SHROOM3: variants seen among roughly 807,000 people sequenced by gnomAD.
The protein encoded by SHROOM3 is shroom family member 3.
In SHROOM3, 47 loss-of-function variants were observed where a neutral mutation model predicts 138.6. That is an observed-to-expected ratio of 0.34 (90% CI 0.27 to 0.43). The LOEUF (loss-of-function observed/expected upper bound fraction) is 0.43, where lower values mean the gene tolerates loss of function less well. Ranked by LOEUF, SHROOM3 falls within the 20% of genes least tolerant of loss-of-function variation. The pLI, the probability that SHROOM3 is intolerant of heterozygous loss-of-function variation, is 1.00. For synonymous variants in SHROOM3, 1,062 were observed against 1,063.3 expected, an observed-to-expected ratio of 1.00 and a Z score of 0.02; for missense variants, 2,491 against 2,596.5, an observed-to-expected ratio of 0.96 and a Z score of 0.88.
chr4:76,583,383 G>A (rs571729375), intron 2 of SHROOM3, among the ~76,000 whole-genome samples: 5 of 152,272 alleles, frequency 3.3e-5, no homozygotes, highest in African/African-American at 1.2e-4. Context: ...TAGGAAGAGC[G>A]ACCATCCAGC....
intron 1 of SHROOM3, among the ~76,000 whole-genome samples, chr4:76,443,629 A>G (rs1174081496): frequency 6.6e-6 from 1 of 152,150 alleles, no homozygotes; most frequent in Non-Finnish European, 1.5e-5. Context: ...GCACTTCTCA[A>G]TGAAACAAAA....
intron 1 of SHROOM3, among the ~76,000 whole-genome samples, chr4:76,480,195 A>G (rs1335488616): frequency 6.6e-6 from 1 of 152,234 alleles, no homozygotes; most frequent in East Asian, 1.9e-4. Context: ...AGACTGGCAA[A>G]TTGGATAAAG....
chr4:76,646,869 C>G (rs1051816181), intron 2 of SHROOM3, among the ~76,000 whole-genome samples: 1 of 152,026 alleles, frequency 6.6e-6, no homozygotes, highest in South Asian at 2.1e-4. Flanking sequence ...GGCAATTTCT[C>G]GAAAAACTGA....
chr4:76,539,464 A>C (rs1733052516), intron 1 of SHROOM3, among the ~76,000 whole-genome samples: 1 of 151,962 alleles, frequency 6.6e-6, no homozygotes, highest in African/African-American at 2.4e-5. Context: ...TTCTAATCTT[A>C]CTCTTTAATA....
intron 2 of SHROOM3, among the ~76,000 whole-genome samples, chr4:76,667,720 G>C (rs1421003453): frequency 2.0e-5 from 3 of 151,868 alleles, no homozygotes; most frequent in African/African-American, 7.3e-5. Flanking sequence ...TGTAATCCCA[G>C]CACTTTGGGA....
chr4:76,460,033 A>T (rs1731109403), intron 1 of SHROOM3, among the ~76,000 whole-genome samples: 1 of 152,214 alleles, frequency 6.6e-6, no homozygotes, highest in South Asian at 2.1e-4. Flanking sequence ...GATTCTTATT[A>T]TCATCAGAAT....
intron 2 of SHROOM3, among the ~76,000 whole-genome samples, chr4:76,590,523 T>TTG (rs1442258386): frequency 6.6e-6 from 1 of 151,576 alleles, no homozygotes; most frequent in Non-Finnish European, 1.5e-5. Flanking sequence ...TTTTTTTTTT[T>TTG]TTAATTAAAA....
intron 3 of SHROOM3, among the ~76,000 whole-genome samples, chr4:76,724,112 T>C (rs559479929): frequency 7.2e-5 from 11 of 152,374 alleles, no homozygotes; most frequent in African/African-American, 2.4e-4. Flanking sequence ...AAGGACATCA[T>C]GTCACTTGCG....
intron 3 of SHROOM3, chr4:76,716,323 A>C (rs1187282355): frequency 1.9e-6 from 1 of 519,038 alleles, no homozygotes. Context: ...GAGCAGTAGC[A>C]GGGCAGAATG....
intron 1 of SHROOM3, among the ~76,000 whole-genome samples, chr4:76,487,965 T>C (rs1368710995): frequency 6.6e-6 from 1 of 152,230 alleles, no homozygotes; most frequent in Non-Finnish European, 1.5e-5. Flanking sequence ...TTTTATAGTC[T>C]TTAGGTGAAA....
chr4:76,559,506 G>A (rs1429402732), intron 2 of SHROOM3: 2 of 152,048 alleles, frequency 1.3e-5, no homozygotes, highest in African/African-American at 4.8e-5. Context: ...AAAGACTGGG[G>A]TGTCTTCCTG....
At chr4:76,676,551 C>T (rs1048343596) in intron 2 of SHROOM3, among the ~76,000 whole-genome samples, 7 of 152,072 alleles carry the variant, frequency 4.6e-5, no homozygotes, top group African/African-American at 1.7e-4. Context: ...AGAGGCATTT[C>T]ATTGAGAAAG....
intron 2 of SHROOM3, among the ~76,000 whole-genome samples, chr4:76,668,655 G>A (rs1317837894): frequency 6.6e-6 from 1 of 152,142 alleles, no homozygotes; most frequent in African/African-American, 2.4e-5. Flanking sequence ...AGCGTATTGT[G>A]AATGATAGGG....
intron 2 of SHROOM3, among the ~76,000 whole-genome samples, chr4:76,675,777 GC>G (rs1719012292): frequency 6.6e-6 from 1 of 152,142 alleles, no homozygotes; most frequent in African/African-American, 2.4e-5. Context: ...AATCCCTTAA[GC>G]CCAAGGATCC....
chr4:76,484,763 G>GTC (rs1731694204), intron 1 of SHROOM3, among the ~76,000 whole-genome samples: 1 of 152,188 alleles, frequency 6.6e-6, no homozygotes. Flanking sequence ...TAAGAGGATT[G>GTC]TAATTACAGT....
At chr4:76,661,801 G>T (rs559236424) in intron 2 of SHROOM3, among the ~76,000 whole-genome samples, 1 of 152,142 alleles carries the variant, frequency 6.6e-6, no homozygotes, top group Admixed American at 6.5e-5. Context: ...TTTGGATTGT[G>T]TCTAGTTTGG....
At chr4:76,469,503 C>T (rs1243268131) in intron 1 of SHROOM3, among the ~76,000 whole-genome samples, 1 of 151,986 alleles carries the variant, frequency 6.6e-6, no homozygotes, top group African/African-American at 2.4e-5. Context: ...GTTGTGCAGG[C>T]TGGAGTACAG....
intron 2 of SHROOM3, among the ~76,000 whole-genome samples, chr4:76,598,774 C>A (rs891890894): frequency 6.6e-6 from 1 of 152,138 alleles, no homozygotes; most frequent in African/African-American, 2.4e-5. Context: ...TGAGGATGCT[C>A]ATGAGTTTGA....
intron 2 of SHROOM3, among the ~76,000 whole-genome samples, chr4:76,606,012 T>A (rs59241732): frequency 0.034 from 3,790 of 111,920 alleles, 19 homozygotes; most frequent in Non-Finnish European, 0.042. Context: ...TATATATTTT[T>A]TTTTTTTTTT....
Sources: gnomAD v4.1 joint callset for allele counts (sites outside exome capture counted in the v4.1 genomes callset) on GRCh38, gnomAD v4.1.1 for gene constraint, MANE v1.5 for transcripts, NCBI Gene and HGNC (gene_info 2026-07-23, HGNC 2026-07-21) for gene names.